Variants in ZFPM2 observed in about 807,000 individuals in gnomAD.
ZFPM2 encodes the protein zinc finger protein, FOG family member 2, also known as zinc finger protein ZFPM2.
In ZFPM2, 20 loss-of-function variants were observed where a neutral mutation model predicts 98.6. That is an observed-to-expected ratio of 0.20 (90% CI 0.14 to 0.29). The LOEUF is 0.29. Ranked by LOEUF, ZFPM2 falls within the 10% of genes least tolerant of loss-of-function variation. The pLI is 1.00. For synonymous variants in ZFPM2, 518 were observed against 502.7 expected, an observed-to-expected ratio of 1.03 and a Z score of -0.41; for missense variants, 1,310 against 1,388.6, an observed-to-expected ratio of 0.94 and a Z score of 0.90.
intron 5 of ZFPM2, among the ~76,000 whole-genome samples, chr8:105,714,395 A>G (rs1457607746): frequency 2.0e-5 from 3 of 152,018 alleles, no homozygotes; most frequent in Non-Finnish European, 4.4e-5. Flanking sequence ...TCAGCATAGA[A>G]TCATATCCTC....
chr8:105,789,089 C>A lies in ZFPM2; in HGVS notation c.739+165C>A, dbSNP rs1161319543. Reference sequence around the variant, plus strand: ...TATTTAATTTGAGAAAATGATGTTACTTTTTTTTTTTATACTTTAAGTTTT... The same window carrying A: ...TATTTAATTTGAGAAAATGATGTTAATTTTTTTTTTTATACTTTAAGTTTT... On this transcript the variant is annotated intron_variant, in intron 6 of 7. Transcript: ENST00000407775. 16 of 494,290 alleles carry A rather than the reference C, an allele frequency of 3.2e-5. No homozygotes were observed. The East Asian group carries it at 5.3e-4, about 16-fold the overall frequency. The allele number at this position is 494,290 out of a possible 1,614,324, so 30.6% of individuals were successfully genotyped here.
In ZFPM2 at chr8:105,505,944, T is replaced by A. The variant is rs548079995; in HGVS notation, c.302-55419T>A. On this transcript the variant is annotated intron_variant, in intron 3 of 7. Coordinates refer to ENST00000407775, the MANE Select transcript of ZFPM2 (RefSeq NM_012082.4). ...GAGGAAAAATATATTGTAACTCTTT[T>A]TTTAACAATGATATTTTTAAAGCAG... 2.0e-5 allele frequency among the ~76,000 whole-genome samples: 3 copies of A among 152,106 alleles called. No homozygotes were observed. In the East Asian group the frequency reaches 5.8e-4, roughly 29 times the overall value.
intron 5 of ZFPM2, among the ~76,000 whole-genome samples, chr8:105,775,935 GC>G (rs1813094866): frequency 6.6e-6 from 1 of 152,112 alleles, no homozygotes; most frequent in Admixed American, 6.6e-5. Flanking sequence ...AGCTCTGAGT[GC>G]TTTTATATTC....
At chr8:105,552,812 CTTT>C (rs781365155) in intron 3 of ZFPM2, among the ~76,000 whole-genome samples, 10 of 112,446 alleles carry the variant, frequency 8.9e-5, no homozygotes, top group Non-Finnish European at 9.6e-5. Context: ...TTCAGATGTT[CTTT>C]TTTTTTTTTT....
intron 1 of ZFPM2, among the ~76,000 whole-genome samples, chr8:105,409,314 C>T (rs946723485): frequency 2.0e-5 from 3 of 151,882 alleles, no homozygotes; most frequent in African/African-American, 7.3e-5. Flanking sequence ...AAAACAACAT[C>T]CTGGTCAATT....
intron 1 of ZFPM2, among the ~76,000 whole-genome samples, chr8:105,320,093 T>G (rs1215887846): frequency 6.6e-6 from 1 of 152,106 alleles, no homozygotes; most frequent in Non-Finnish European, 1.5e-5. Context: ...GGATAAGACT[T>G]TAGTAGTATC....
chr8:105,750,777 T>G (rs2131051921), intron 5 of ZFPM2, among the ~76,000 whole-genome samples: 1 of 152,180 alleles, frequency 6.6e-6, no homozygotes, highest in Admixed American at 6.6e-5. Flanking sequence ...AGGGGAAAAT[T>G]GGTGAAATCT....
chr8:105,689,492 T>G (rs1326884355), intron 5 of ZFPM2, among the ~76,000 whole-genome samples: 1 of 152,202 alleles, frequency 6.6e-6, no homozygotes, highest in Non-Finnish European at 1.5e-5. Flanking sequence ...TTCAGATTTT[T>G]TTTGTTGATG....
At chr8:105,603,937 A>G (rs1484007955) in intron 4 of ZFPM2, among the ~76,000 whole-genome samples, 1 of 151,960 alleles carries the variant, frequency 6.6e-6, no homozygotes, top group Non-Finnish European at 1.5e-5. Context: ...GCTGCTAAAT[A>G]TTGAGTCCAG....
At chr8:105,424,519 C>T (rs1478384571) in intron 2 of ZFPM2, among the ~76,000 whole-genome samples, 1 of 152,094 alleles carries the variant, frequency 6.6e-6, no homozygotes, top group Non-Finnish European at 1.5e-5. Context: ...ATTCTCACTA[C>T]ATTCAAAAAG....
At chr8:105,644,026 G>A (rs1816994544) in intron 5 of ZFPM2, among the ~76,000 whole-genome samples, 1 of 152,146 alleles carries the variant, frequency 6.6e-6, no homozygotes, top group South Asian at 2.1e-4. Context: ...AGACAATCTA[G>A]TTTGTAAAAC....
At chr8:105,381,740 A>G (rs563125051) in intron 1 of ZFPM2, among the ~76,000 whole-genome samples, 2 of 152,252 alleles carry the variant, frequency 1.3e-5, no homozygotes, top group South Asian at 4.1e-4. Context: ...ATTTTCCCCA[A>G]AGATAGCCTC....
At chr8:105,332,493 T>C (rs886821134) in intron 1 of ZFPM2, among the ~76,000 whole-genome samples, 2 of 151,776 alleles carry the variant, frequency 1.3e-5, no homozygotes, top group Admixed American at 6.6e-5. Flanking sequence ...GATTGTTACC[T>C]ATATGTGTTA....
intron 1 of ZFPM2, among the ~76,000 whole-genome samples, chr8:105,403,918 T>C (rs1811388098): frequency 2.0e-5 from 3 of 151,832 alleles, no homozygotes; most frequent in South Asian, 4.2e-4. Context: ...CTCCCTGGCA[T>C]TGCAAACGGA....
At chr8:105,616,611 C>T (rs1404348019) in intron 4 of ZFPM2, 2 of 300,448 alleles carry the variant, frequency 6.7e-6, no homozygotes, top group Non-Finnish European at 1.3e-5. Context: ...AGGTATAAGT[C>T]TAAGTGATTT....
chr8:105,471,840 T>C (rs558109451), intron 3 of ZFPM2, among the ~76,000 whole-genome samples: 9 of 152,250 alleles, frequency 5.9e-5, no homozygotes, highest in African/African-American at 2.2e-4. Flanking sequence ...TCAGAACTCT[T>C]ATCAGATAAG....
At chr8:105,684,320 G>A (rs1311248887) in intron 5 of ZFPM2, among the ~76,000 whole-genome samples, 1 of 152,084 alleles carries the variant, frequency 6.6e-6, no homozygotes, top group African/African-American at 2.4e-5. Flanking sequence ...TGTCATGAAA[G>A]TATAGCCATG....
chr8:105,581,687 A>T (rs1228161008), intron 4 of ZFPM2, among the ~76,000 whole-genome samples: 2 of 152,196 alleles, frequency 1.3e-5, no homozygotes, highest in Non-Finnish European at 2.9e-5. Context: ...TGCTAAAATC[A>T]TTCTACACCT....
At chr8:105,366,678 C>A (rs1198965694) in intron 1 of ZFPM2, among the ~76,000 whole-genome samples, 6 of 118,538 alleles carry the variant, frequency 5.1e-5, no homozygotes, top group Non-Finnish European at 6.8e-5. Context: ...CCTCCCCCCA[C>A]CCCACCATAG....
Sources: allele counts gnomAD v4.1 joint callset (sites outside exome capture counted in the v4.1 genomes callset), GRCh38; gene constraint gnomAD v4.1.1; transcripts MANE v1.5; gene names NCBI Gene and HGNC (gene_info 2026-07-23, HGNC 2026-07-21).